The following PPP2R1B variants were observed in gnomAD, a reference collection of about 807,000 sequenced individuals.
PPP2R1B encodes the protein protein phosphatase 2 scaffold subunit Abeta.
In PPP2R1B, 58 loss-of-function variants were observed where a neutral mutation model predicts 72.7. The ratio of observed to expected loss-of-function variants is 0.80; its 90% CI spans 0.65 to 0.99. The LOEUF (loss-of-function observed/expected upper bound fraction) is 0.99. Among genes scored for constraint, PPP2R1B ranks in the 50% least tolerant of loss-of-function variants. The pLI is 0.00. For synonymous variants in PPP2R1B, 256 were observed against 264.6 expected (o/e 0.97, Z 0.32); for missense variants, 695 against 733.6 (o/e 0.95, Z 0.61).
At position 111,741,446 on chromosome 11, in the gene PPP2R1B, T is replaced by A. The variant is rs767972511; in HGVS notation, c.*150A>T. On this transcript the variant is annotated 3_prime_UTR_variant, in exon 15 of 15. Transcript: ENST00000527614. ...AATCCCATTTCATCTTTAGAAAGAA[T>A]TAAGTCACTAAATGATTTCTTCTAA... The A allele has an allele frequency of 1.4e-5, 20 of 1,453,186 alleles. No individual in the cohort carries two copies. In the African/African-American group the frequency reaches 2.4e-4, roughly 18 times the overall value. 90.0% of individuals were successfully genotyped at this position (1,453,186 alleles called of 1,614,324 possible). A position where few individuals can be genotyped will look rare whatever the true frequency, so the allele number is the denominator to read the frequency against.
At chr11:111,760,460 A>T (rs1439159307) in intron 4 of PPP2R1B, among the ~76,000 whole-genome samples, 1 of 152,090 alleles carries the variant, frequency 6.6e-6, no homozygotes, top group Admixed American at 6.6e-5. Context: ...TGGGATTACA[A>T]GCATGAGCCA....
At chr11:111,700,146 A>G in the PPP2R1B span, among the ~76,000 whole-genome samples, 1 of 152,256 alleles carries the variant, frequency 6.6e-6, no homozygotes, top group African/African-American at 2.4e-5. Context: ...TGTTGAAGGC[A>G]TCTAAGTAGT....
chr11:111,702,683 G>A, the PPP2R1B span, among the ~76,000 whole-genome samples: 1 of 152,340 alleles, frequency 6.6e-6, no homozygotes, highest in South Asian at 2.1e-4. Flanking sequence ...TCAGCTCAGA[G>A]AATATGCTAG....
chr11:111,723,474 TC>T, downstream of PPP2R1B: 1 of 1,559,596 alleles, frequency 6.4e-7, no homozygotes, highest in Non-Finnish European at 8.7e-7. Flanking sequence ...TAAAATTCTT[TC>T]CTTTGATATT....
At chr11:111,761,960 CA>C (rs539317909) in intron 3 of PPP2R1B, among the ~76,000 whole-genome samples, 12 of 143,836 alleles carry the variant, frequency 8.3e-5, no homozygotes, top group Admixed American at 1.4e-4. Flanking sequence ...GCTCTTGTCT[CA>C]AAAAAAAAAG....
intron 1 of PPP2R1B, chr11:111,765,675 C>T (rs1555052815): frequency 2.0e-6 from 1 of 512,118 alleles, no homozygotes; most frequent in African/African-American, 1.9e-5. Flanking sequence ...AAAGAGAGCA[C>T]TTTGGCAGTG....
rs1555048250 is a variant in PPP2R1B, at chr11:111,752,338, A to G, written c.1165-6T>C. On this transcript the variant is annotated splice_region_variant and splice_polypyrimidine_tract_variant and intron_variant, in intron 9 of 14. Coordinates refer to ENST00000527614, the MANE Select transcript of PPP2R1B (RefSeq NM_002716.5). ...TTCAAACGAACGTCAGGACACTGCA[A>G]GTACACAAGCCCCAAAAGACCACAT... The G allele has an allele frequency of 6.3e-7, 1 of 1,599,574 alleles. No homozygotes were observed. Among genetic ancestry groups the G allele is most frequent in the South Asian group, 1.1e-5 (1 of 88,876 alleles).
chr11:111,757,623 C>A (rs1275332495), intron 5 of PPP2R1B, among the ~76,000 whole-genome samples: 1 of 152,082 alleles, frequency 6.6e-6, no homozygotes, highest in Non-Finnish European at 1.5e-5. Context: ...ATCACAAGGT[C>A]AGGAGTTCGA....
downstream of PPP2R1B, among the ~76,000 whole-genome samples, chr11:111,734,935 G>T (rs951240884): frequency 6.6e-6 from 1 of 152,240 alleles, no homozygotes; most frequent in African/African-American, 2.4e-5. Context: ...GCTGCAGAAT[G>T]GCTCCAGCCT....
chr11:111,721,560 G>A, the PPP2R1B span, among the ~76,000 whole-genome samples: 1 of 152,122 alleles, frequency 6.6e-6, no homozygotes, highest in African/African-American at 2.4e-5. Context: ...ATTATAGTTC[G>A]AGGCCCACAT....
chr11:111,726,094 A>T (rs1795154498), downstream of PPP2R1B: 1 of 152,236 alleles, frequency 6.6e-6, no homozygotes, highest in Admixed American at 6.5e-5. Context: ...TTGAGTCTTT[A>T]CAAAATAGCC....
the PPP2R1B span, among the ~76,000 whole-genome samples, chr11:111,688,770 A>C: frequency 3.9e-5 from 6 of 152,350 alleles, no homozygotes; most frequent in Non-Finnish European, 7.4e-5. This position sits in a 1 kb window ranked among gnomAD's most constrained non-coding sequence, Gnocchi z 4.2. Context: ...TCATTCACTC[A>C]ATAAATATGT....
chr11:111,759,967 A>G lies in PPP2R1B; in HGVS notation c.540-16T>C. 2 of 1,611,466 alleles carry G rather than the reference A, an allele frequency of 1.2e-6. No homozygotes were observed. Among genetic ancestry groups the G allele is most frequent in the Non-Finnish European group, 1.7e-6 (2 of 1,178,174 alleles). ...ACGGAATTGCCTGCAACATAAAACA[A>G]TGAAGGTATTTCCCATCAAATAACA... On this transcript the variant is annotated splice_polypyrimidine_tract_variant and intron_variant, in intron 4 of 14. Transcript: ENST00000527614.
chr11:111,743,633 C>G, intron 11 of PPP2R1B, 103 bp from the exon 12 acceptor site: 2 of 1,355,744 alleles, frequency 1.5e-6, no homozygotes, highest in Non-Finnish European at 2.0e-6. Flanking sequence ...AGCAAAACCC[C>G]TCTGCAATCA....
chr11:111,762,859 C>G (rs1362638143), intron 3 of PPP2R1B, among the ~76,000 whole-genome samples: 1 of 152,126 alleles, frequency 6.6e-6, no homozygotes, highest in Non-Finnish European at 1.5e-5. Context: ...AGTTTTGAAC[C>G]CAGCCTGTTT....
At chr11:111,726,831 G>T, downstream of PPP2R1B, 1 of 752,896 alleles carries the variant, frequency 1.3e-6, no homozygotes, top group Non-Finnish European at 2.3e-6. Context: ...ATCATCATCA[G>T]CTTCATCACC....
the PPP2R1B span, chr11:111,720,899 G>T: frequency 6.2e-7 from 1 of 1,613,352 alleles, no homozygotes; most frequent in South Asian, 1.1e-5. Context: ...TTTCTTTCAG[G>T]AATTGTAGCA....
In PPP2R1B at chr11:111,742,664, G is replaced by A. The variant is rs1400517304; in HGVS notation, c.1556C>T (p.Ala519Val). Reference protein sequence around the residue: ...HRMTTLFCINALSEACGQEIT... With the variant: ...HRMTTLFCINVLSEACGQEIT... ...TTCCTGACCACAGGCCTCAGACAGT[G>A]CCTAGAAAAATAAGTAAGATGGCAC... The change falls in exon 13 of 15, where the codon GCA becomes GTA. Residue 519 changes from alanine to valine, a missense_variant and splice_region_variant. Transcript: ENST00000527614. 5 of 1,595,086 alleles carry A rather than the reference G, an allele frequency of 3.1e-6. No homozygotes were observed. The East Asian group carries it at 6.7e-5, about 21-fold the overall frequency.
At chr11:111,750,697 T>C (rs527981760) in intron 10 of PPP2R1B, among the ~76,000 whole-genome samples, 11 of 152,216 alleles carry the variant, frequency 7.2e-5, no homozygotes, top group Non-Finnish European at 1.6e-4. Context: ...AGGATGTGGC[T>C]ATAAAACCCA....
Sources: gnomAD v4.1 joint callset for allele counts (sites outside exome capture counted in the v4.1 genomes callset) on GRCh38, gnomAD v4.1.1 for gene constraint, Gnocchi (gnomAD v3.1) non-coding constraint, MANE v1.5 for transcripts, NCBI Gene and HGNC (gene_info 2026-07-23, HGNC 2026-07-21) for gene names.